The following ZC3H4 variants were observed in gnomAD, a reference collection of about 807,000 sequenced individuals.
ZC3H4 encodes zinc finger CCCH-type containing 4.
In ZC3H4, 13 loss-of-function variants were observed where a neutral mutation model predicts 108.3. That is an observed-to-expected ratio of 0.12 (90% CI 0.08 to 0.19). The LOEUF (loss-of-function observed/expected upper bound fraction) is 0.19, where lower values mean the gene tolerates loss of function less well. Ranked by LOEUF, ZC3H4 falls within the 10% of genes least tolerant of loss-of-function variation. The pLI, the probability that ZC3H4 is intolerant of heterozygous loss-of-function variation, is 1.00. For synonymous variants in ZC3H4, 917 were observed against 749.6 expected, an observed-to-expected ratio of 1.22 and a Z score of -3.65; for missense variants, 1,734 against 1,838.8, an observed-to-expected ratio of 0.94 and a Z score of 1.04.
At chr19:47,103,721 T>C (rs1312554439) in intron 2 of ZC3H4, among the ~76,000 whole-genome samples, 1 of 142,058 alleles carries the variant, frequency 7.0e-6, no homozygotes, top group African/African-American at 2.6e-5. Context: ...GGTCAGGAGA[T>C]TTAGACCATC....
At chr19:47,091,835 G>C (rs1436115651) in intron 4 of ZC3H4, among the ~76,000 whole-genome samples, 3 of 151,980 alleles carry the variant, frequency 2.0e-5, no homozygotes, top group African/African-American at 7.3e-5. Flanking sequence ...GGAGGTTGCA[G>C]TGAGCCGAGA....
chr19:47,097,633 C>T (rs934771012), intron 2 of ZC3H4, among the ~76,000 whole-genome samples: 1 of 152,190 alleles, frequency 6.6e-6, no homozygotes, highest in Admixed American at 6.5e-5. Flanking sequence ...GCGGTCTCAA[C>T]AAAACAGCAA....
intron 11 of ZC3H4, among the ~76,000 whole-genome samples, chr19:47,075,630 ACACT>A (rs927134860): frequency 1.1e-4 from 17 of 151,844 alleles, no homozygotes; most frequent in South Asian, 6.3e-4. Context: ...ATACACACAC[ACACT>A]CACACTCCCC....
chr19:47,095,734 A>G (rs941958106), intron 2 of ZC3H4, among the ~76,000 whole-genome samples: 1 of 152,228 alleles, frequency 6.6e-6, no homozygotes, highest in Non-Finnish European at 1.5e-5. Flanking sequence ...AGTGTTCACA[A>G]GTACAGGAGT....
rs2057357047 is a variant in ZC3H4, at chr19:47,072,960, A to G, written c.1441-247T>C. Reference sequence around the variant, plus strand: ...TATGGCAAAATACACATAACAAAGCATACTGTTTAACCATTTAAAGTGAAC... The same window carrying G: ...TATGGCAAAATACACATAACAAAGCGTACTGTTTAACCATTTAAAGTGAAC... On this transcript the variant is annotated intron_variant, in intron 11 of 14. Transcript: ENST00000253048. The surrounding 1 kb of genome is among the most constrained non-coding windows in gnomAD (Gnocchi z 5.6). Among the ~76,000 whole-genome samples, 2 of 152,180 alleles carry G rather than the reference A, an allele frequency of 1.3e-5. No homozygotes were observed. The highest frequency in any genetic ancestry group is 6.5e-5 in the Admixed American group (1 of 15,270).
intron 14 of ZC3H4, among the ~76,000 whole-genome samples, chr19:47,068,203 G>A (rs1411860167): frequency 6.6e-6 from 1 of 152,204 alleles, no homozygotes; most frequent in Non-Finnish European, 1.5e-5. Flanking sequence ...CCGTTACATT[G>A]GAGTCAGGGC....
In ZC3H4 at chr19:47,082,167, C is replaced by G. The variant is rs761804261; in HGVS notation, c.1330+17G>C. 2 of 1,597,344 alleles carry G rather than the reference C, an allele frequency of 1.3e-6. No homozygotes were observed. The highest frequency in any genetic ancestry group is 1.1e-5 in the South Asian group (1 of 90,736). ...TCTGCGCCCTCATTCAGACCAGATG[C>G]TGGCACTAAAGGATATCGTGCATAT... On this transcript the variant is annotated intron_variant, in intron 10 of 14. Transcript: ENST00000253048.
chr19:47,070,993 C>G (rs912584875), intron 13 of ZC3H4, among the ~76,000 whole-genome samples: 2 of 152,198 alleles, frequency 1.3e-5, no homozygotes, highest in African/African-American at 4.8e-5. Context: ...TTCAACACAG[C>G]GCCCCCACCC....
At position 47,084,452 on chromosome 19, in the gene ZC3H4, C is replaced by T. The variant is rs370889423; in HGVS notation, c.1111G>A (p.Gly371Ser). Residue 371 changes from glycine (G) to serine (S), a missense_variant, in exon 9 of 15, where the codon GGT (glycine) becomes AGT (serine). Gly to Ser is a moderately conservative substitution (Grantham distance 56). Around this residue, in one of 9 missense-constraint regions of ZC3H4, gnomAD observed 403 missense variants for 457.0 expected, o/e 0.88. Transcript: ENST00000253048. ...EDFYDEDMGD[G>S]GGGSYRSRDH... Reference sequence around the variant, plus strand: ...CGACTCCGGTAGCTTCCACCACCACCGTCCTGCAATGGACAGGGTGTGGAC... The same window carrying T: ...CGACTCCGGTAGCTTCCACCACCACTGTCCTGCAATGGACAGGGTGTGGAC... The T allele has an allele frequency of 1.2e-6, 2 of 1,614,150 alleles. No homozygotes were observed. Among genetic ancestry groups the T allele is most frequent in the African/African-American group, 1.3e-5 (1 of 75,048 alleles).
intron 5 of ZC3H4, among the ~76,000 whole-genome samples, chr19:47,087,966 G>A (rs765928066): frequency 7.2e-5 from 11 of 151,856 alleles, no homozygotes; most frequent in Non-Finnish European, 1.3e-4. Flanking sequence ...GAAGTCAGGA[G>A]ATCGAGACCA....
intron 2 of ZC3H4, among the ~76,000 whole-genome samples, chr19:47,095,081 G>A (rs945462695): frequency 1.3e-5 from 2 of 152,174 alleles, no homozygotes; most frequent in Admixed American, 6.5e-5. Flanking sequence ...CTCTCCCAGG[G>A]AGCACAGACC....
chr19:47,090,155 G>A lies in ZC3H4; in HGVS notation c.527C>T (p.Pro176Leu). ...CTTGGAGTATGCCTTCTTGGGCAGGGGCGTGGCATGCGATGGGGGGTACTG... is the reference window on the plus strand; with the variant it reads ...CTTGGAGTATGCCTTCTTGGGCAGGAGCGTGGCATGCGATGGGGGGTACTG... ...HQQYPPSHATPLPKKAYSKMD... is the reference protein window; with the variant it reads ...HQQYPPSHATLLPKKAYSKMD... The change falls in exon 5 of 15, where the codon CCC becomes CTC. Residue 176 changes from proline (P) to leucine (L), a missense_variant. Pro to Leu is a moderately conservative substitution (Grantham distance 98). Around this residue, in one of 9 missense-constraint regions of ZC3H4, gnomAD observed 403 missense variants for 457.0 expected, o/e 0.88. Transcript: ENST00000253048. 9 of 1,614,176 alleles carry A rather than the reference G, an allele frequency of 5.6e-6. No individual in the cohort carries two copies. Among genetic ancestry groups the A allele is most frequent in the Non-Finnish European group, 7.6e-6 (9 of 1,180,024 alleles).
At chr19:47,096,173 C>T (rs563070948) in intron 2 of ZC3H4, among the ~76,000 whole-genome samples, 8 of 152,150 alleles carry the variant, frequency 5.3e-5, no homozygotes, top group African/African-American at 1.7e-4. Flanking sequence ...CTATTTCAAA[C>T]CCAAGTGGCC....
At chr19:47,078,645 T>C (rs1428218278) in intron 11 of ZC3H4, among the ~76,000 whole-genome samples, 4 of 151,300 alleles carry the variant, frequency 2.6e-5, no homozygotes, top group African/African-American at 9.7e-5. Context: ...AATACAAAAC[T>C]AATCACGAAT....
chr19:47,110,921 T>C, intron 2 of ZC3H4: 12 of 985,106 alleles, frequency 1.2e-5, no homozygotes, highest in Non-Finnish European at 1.3e-5. Flanking sequence ...TGTCTCTGAA[T>C]GTGGGTGGCA....
At position 47,066,315 on chromosome 19, in the gene ZC3H4, A is replaced by G; in HGVS notation, c.*41T>C. The G allele has an allele frequency of 6.9e-7, 1 of 1,456,128 alleles. No homozygotes were observed. The highest frequency in any genetic ancestry group is 9.1e-7 in the Non-Finnish European group (1 of 1,101,426). 90.2% of individuals were successfully genotyped at this position (1,456,128 alleles called of 1,614,324 possible). A position where few individuals can be genotyped will look rare whatever the true frequency, so the allele number is the denominator to read the frequency against. On this transcript the variant is annotated 3_prime_UTR_variant, in exon 15 of 15. Coordinates refer to ENST00000253048, the MANE Select transcript of ZC3H4 (RefSeq NM_015168.2). ...TACCCTGGGTGCTGCCCTGAATGCC[A>G]CCCTAGGAAGGGTGGCTGGAGCCGC... is the stretch of plus-strand genomic sequence containing the variant.
intron 2 of ZC3H4, among the ~76,000 whole-genome samples, chr19:47,109,886 A>G (rs2058015749): frequency 3.3e-5 from 5 of 152,148 alleles, no homozygotes; most frequent in Non-Finnish European, 5.9e-5. Flanking sequence ...AAAACACATC[A>G]GAAGTACAGT....
intron 2 of ZC3H4, among the ~76,000 whole-genome samples, chr19:47,102,033 C>CAA (rs906610662): frequency 6.6e-6 from 1 of 150,424 alleles, no homozygotes; most frequent in Admixed American, 6.6e-5. Context: ...GACTTCGTCT[C>CAA]AAAAAAAAAG....
In ZC3H4 at chr19:47,084,239, C is replaced by T. The variant is rs988143499; in HGVS notation, c.1218+106G>A. 14 of 1,052,404 alleles carry T rather than the reference C, an allele frequency of 1.3e-5. No homozygotes were observed. The African/African-American group carries it at 2.0e-4, about 15-fold the overall frequency. 65.2% of individuals were successfully genotyped at this position (1,052,404 alleles called of 1,614,324 possible). On this transcript the variant is annotated intron_variant, in intron 9 of 14. Coordinates refer to ENST00000253048, the MANE Select transcript of ZC3H4 (RefSeq NM_015168.2). ...AGTGTCCACAAGGACAAGGACTACA[C>T]AGTCACTCCCACCCACCCTCACCAC...
Sources: gnomAD v4.1 joint callset for allele counts (sites outside exome capture counted in the v4.1 genomes callset) on GRCh38, gnomAD v4.1.1 for gene constraint, gnomAD v4.1.1 regional missense constraint, Gnocchi (gnomAD v3.1) non-coding constraint, MANE v1.5 for transcripts, NCBI Gene and HGNC (gene_info 2026-07-23, HGNC 2026-07-21) for gene names.